Variants in NMD3 observed in about 807,000 individuals in gnomAD.
NMD3 encodes 60S ribosomal export protein NMD3.
NMD3 carries 47 observed loss-of-function variants against 73.1 expected under a neutral mutation model. The ratio of observed to expected loss-of-function variants is 0.64; its 90% CI spans 0.51 to 0.82. The LOEUF (loss-of-function observed/expected upper bound fraction) is 0.82. NMD3 is among the 40% of genes least tolerant of loss of function. The pLI, the probability that NMD3 is intolerant of heterozygous loss-of-function variation, is 0.00. For missense variants in NMD3, 554 were observed against 612.5 expected (o/e 0.90, Z 1.01); for synonymous variants, 210 against 194.5 (o/e 1.08, Z -0.66).
At position 161,249,547 on chromosome 3, in the gene NMD3, A is replaced by G. The variant is rs1737394842; in HGVS notation, c.1297A>G (p.Thr433Ala). ...ELARERENMDTDDERQYQDFL... is the reference protein window; with the variant it reads ...ELARERENMDADDERQYQDFL... ...TGCAAGAGAGAGAGAAAACATGGAT[A>G]CAGATGATGAAAGGTCTCGCTTTTC... is the stretch of plus-strand genomic sequence containing the variant. Residue 433 changes from threonine to alanine, a missense_variant, in exon 14 of 16, where the codon ACA becomes GCA. Thr to Ala is a moderately conservative substitution (Grantham distance 58, BLOSUM62 0). Transcript: ENST00000351193. 6.3e-7 allele frequency: 1 copy of G among 1,599,506 alleles called. No homozygotes were observed. The highest frequency in any genetic ancestry group is 8.6e-7 in the Non-Finnish European group (1 of 1,167,314).
intron 4 of NMD3, among the ~76,000 whole-genome samples, chr3:161,230,370 C>T (rs1330254047): frequency 6.6e-6 from 1 of 152,132 alleles, no homozygotes; most frequent in African/African-American, 2.4e-5. Context: ...CTCCTGAGCT[C>T]AAGCGATCCT....
In NMD3 at chr3:161,247,184, G is replaced by A; in HGVS notation, c.1131-74G>A. The A allele has an allele frequency of 5.7e-6, 5 of 882,786 alleles. No homozygotes were observed. The South Asian group carries it at 7.0e-5, about 12-fold the overall frequency. 54.7% of individuals were successfully genotyped at this position (882,786 alleles called of 1,614,324 possible). ...AATGTTTGATTTTTAGGAAGTTTTA[G>A]GTGATAGCCATAAAATAAAAAGTTA... On this transcript the variant is annotated intron_variant, in intron 12 of 15. Transcript: ENST00000351193.
rs1467056028 is a variant in NMD3, at chr3:161,251,140, T to C, written c.*230T>C. 1.2e-5 allele frequency: 4 copies of C among 338,560 alleles called. No individual in the cohort carries two copies. The highest frequency in any genetic ancestry group is 6.3e-5 in the African/African-American group (3 of 47,306). The allele number at this position is 338,560 out of a possible 1,614,324, so 21.0% of individuals were successfully genotyped here. On this transcript the variant is annotated 3_prime_UTR_variant, in exon 16 of 16. Coordinates refer to ENST00000351193, the MANE Select transcript of NMD3 (RefSeq NM_015938.5). ...TGTAGTTGTTATTGATTTTTGGCAA[T>C]TTTACATTTGGAATTTTATCACTGT...
chr3:161,236,658 G>T (rs1037567090), intron 7 of NMD3, among the ~76,000 whole-genome samples: 4 of 152,132 alleles, frequency 2.6e-5, no homozygotes, highest in African/African-American at 9.7e-5. Flanking sequence ...AGGTCACAAA[G>T]ATTTTCTCCT....
chr3:161,249,419 C>T, intron 13 of NMD3, 35 bp from the exon 14 acceptor site: 1 of 1,388,274 alleles, frequency 7.2e-7, no homozygotes, highest in Non-Finnish European at 1.0e-6. Context: ...GTATAGTTCC[C>T]ATTCTTTGTA....
intron 15 of NMD3, 74 bp downstream of exon 15, chr3:161,250,400 C>T: frequency 1.1e-6 from 1 of 872,966 alleles, no homozygotes; most frequent in Non-Finnish European, 1.8e-6. Flanking sequence ...ATTTTGGTAT[C>T]TTAAGCTTTG....
intron 15 of NMD3, 84 bp downstream of exon 15, chr3:161,250,410 G>T: frequency 1.3e-6 from 1 of 778,222 alleles, no homozygotes; most frequent in South Asian, 1.8e-5. Flanking sequence ...CTTAAGCTTT[G>T]ATTCTCATAA....
At chr3:161,234,602 T>G (rs1234822642) in intron 5 of NMD3, 125 bp from the exon 6 acceptor site, 11 of 666,454 alleles carry the variant, frequency 1.7e-5, no homozygotes, top group Non-Finnish European at 2.7e-5. Context: ...TTGAGGACAT[T>G]TGATTGATGT....
At chr3:161,239,108 A>G (rs993855232) in intron 9 of NMD3, among the ~76,000 whole-genome samples, 15 of 152,200 alleles carry the variant, frequency 9.9e-5, no homozygotes, top group African/African-American at 3.6e-4. Context: ...TTGTGATCCT[A>G]TGAGCCTGTA....
At chr3:161,225,122 C>G in intron 3 of NMD3, 58 bp downstream of exon 3, 2 of 1,536,568 alleles carry the variant, frequency 1.3e-6, no homozygotes, top group Non-Finnish European at 1.8e-6. Flanking sequence ...TAGAGAACCA[C>G]CGAGATATGC....
At chr3:161,221,772 G>T (rs1007477637) in intron 1 of NMD3, 6 of 373,588 alleles carry the variant, frequency 1.6e-5, no homozygotes, top group East Asian at 4.5e-5. Flanking sequence ...GGGTCTTGCA[G>T]CTGGGAAGCT....
At position 161,242,589 on chromosome 3, in the gene NMD3, T is replaced by G. The variant is rs202230733; in HGVS notation, c.953T>G (p.Val318Gly). 450 of 1,613,632 alleles carry G rather than the reference T, an allele frequency of 2.8e-4. No homozygotes were observed. Among genetic ancestry groups the G allele is most frequent in the Non-Finnish European group, 3.6e-4 (428 of 1,179,754 alleles). Residue 318 changes from valine to glycine, a missense_variant, in exon 11 of 16, where the codon GTG becomes GGG. Val to Gly is a moderately radical substitution (Grantham distance 109, BLOSUM62 -3). Coordinates refer to ENST00000351193, the MANE Select transcript of NMD3 (RefSeq NM_015938.5). ...CCCAAACAGCTAGAGGAGTTTATTG[T>G]GATGGAATGCAGCATAGTCCAAGAT... ...CHPKQLEEFI[V>G]MECSIVQDIK...
chr3:161,235,155 C>G lies in NMD3; in HGVS notation c.520C>G (p.Gln174Glu). 6.5e-7 allele frequency: 1 copy of G among 1,547,618 alleles called. No individual in the cohort carries two copies. The highest frequency in any genetic ancestry group is 8.8e-7 in the Non-Finnish European group (1 of 1,130,876). Reference sequence around the variant, plus strand: ...TAAAAAAACTTTCTACTATCTGGAACAGTTAATTCTGAAATATGGAATGCA... The same window carrying G: ...TAAAAAAACTTTCTACTATCTGGAAGAGTTAATTCTGAAATATGGAATGCA... ...LHKKTFYYLEQLILKYGMHQN... is the reference protein window; with the variant it reads ...LHKKTFYYLEELILKYGMHQN... Residue 174 changes from glutamine to glutamate, a missense_variant, in exon 7 of 16, where the codon CAG becomes GAG. Coordinates refer to ENST00000351193, the MANE Select transcript of NMD3 (RefSeq NM_015938.5).
intron 2 of NMD3, among the ~76,000 whole-genome samples, chr3:161,224,117 C>A (rs1469178245): frequency 5.3e-5 from 8 of 152,140 alleles, no homozygotes; most frequent in Non-Finnish European, 1.0e-4. Context: ...TATTCTTCAT[C>A]AATATACCTC....
chr3:161,241,420 C>CTTTT (rs35893497), intron 10 of NMD3, among the ~76,000 whole-genome samples: 3 of 126,208 alleles, frequency 2.4e-5, no homozygotes, highest in Non-Finnish European at 3.3e-5. Context: ...CTGAAATTGA[C>CTTTT]TTTTTTTTTT....
Position 161,224,915 on chromosome 3 carries a change from CTTTA to C in NMD3, c.45-8_45-5del, listed in dbSNP as rs760431300. On this transcript the variant is annotated splice_polypyrimidine_tract_variant and intron_variant, in intron 2 of 15. Coordinates refer to ENST00000351193, the MANE Select transcript of NMD3 (RefSeq NM_015938.5). ...AAAAATCTAATGTGAAAAATTTATC[CTTTA>C]TTTATTAAAGCTTGTGCTGTGAGTG... 153 of 1,540,978 alleles carry C rather than the reference CTTTA, an allele frequency of 9.9e-5. No homozygotes were observed. Among genetic ancestry groups the C allele is most frequent in the Non-Finnish European group, 1.3e-4 (148 of 1,148,500 alleles).
At chr3:161,243,093 G>C (rs912597383) in intron 11 of NMD3, among the ~76,000 whole-genome samples, 6 of 152,106 alleles carry the variant, frequency 3.9e-5, no homozygotes, top group Non-Finnish European at 7.4e-5. Flanking sequence ...AGTCTACACA[G>C]TATTCTGCTC....
intron 7 of NMD3, 38 bp from the exon 8 acceptor site, chr3:161,238,075 C>CATAATTATT (rs772442470): frequency 8.2e-5 from 112 of 1,372,606 alleles, no homozygotes; most frequent in Non-Finnish European, 1.1e-4. Context: ...TCCTATTTTG[C>CATAATTATT]ATAATTATTT....
Position 161,249,493 on chromosome 3 carries a change from C to A in NMD3, c.1243C>A (p.Arg415Ser). 1 of 1,612,052 alleles carries A rather than the reference C, an allele frequency of 6.2e-7. No homozygotes were observed. Among genetic ancestry groups the A allele is most frequent in the Non-Finnish European group, 8.5e-7 (1 of 1,178,982 alleles). ...GAGCTATGACCGGACCAAACGTCAGCGTCGTAGAAACTGGAAATTGAAAGA... is the reference window on the plus strand; with the variant it reads ...GAGCTATGACCGGACCAAACGTCAGAGTCGTAGAAACTGGAAATTGAAAGA... Reference protein sequence around the residue: ...KKSYDRTKRQRRRNWKLKELA... With the variant: ...KKSYDRTKRQSRRNWKLKELA... Residue 415 changes from arginine (R) to serine (S), a missense_variant, in exon 14 of 16, where the codon CGT (arginine) becomes AGT (serine). Transcript: ENST00000351193.
Sources: allele counts gnomAD v4.1 joint callset (sites outside exome capture counted in the v4.1 genomes callset), GRCh38; gene constraint gnomAD v4.1.1; transcripts MANE v1.5; gene names NCBI Gene and HGNC (gene_info 2026-07-23, HGNC 2026-07-21).